The following ME1 variants were observed in gnomAD, a reference collection of about 807,000 sequenced individuals.
The protein encoded by ME1 is malic enzyme 1.
Under a neutral mutation model 66.4 loss-of-function variants are expected in ME1, and 74 were observed. That is an observed-to-expected ratio of 1.11 (90% confidence interval 0.92 to 1.35). ME1 has a LOEUF of 1.35. Ranked by LOEUF, ME1 falls within the 40% of genes most tolerant of loss-of-function variation. The probability of loss-of-function intolerance (pLI) is 0.00; values close to 1 mark genes in which losing one functional copy is unlikely to be tolerated. For synonymous variants in ME1, 251 were observed against 235.6 expected (o/e 1.07, Z -0.60); for missense variants, 750 against 694.1 (o/e 1.08, Z -0.90).
chr6:83,229,857 C>T (rs1441659293), intron 9 of ME1, among the ~76,000 whole-genome samples: 1 of 152,182 alleles, frequency 6.6e-6, no homozygotes, highest in Non-Finnish European at 1.5e-5. Context: ...AATGAGGTCT[C>T]ATTTTGTCAT....
intron 6 of ME1, among the ~76,000 whole-genome samples, chr6:83,276,435 G>A (rs1767183975): frequency 1.3e-5 from 2 of 152,148 alleles, no homozygotes. Context: ...AATGTCCCAG[G>A]AGCAGTGATG....
intron 3 of ME1, among the ~76,000 whole-genome samples, chr6:83,398,149 C>G (rs1359218327): frequency 6.6e-6 from 1 of 151,972 alleles, no homozygotes; most frequent in Non-Finnish European, 1.5e-5. Context: ...GCATACTCAC[C>G]ACAAATAAAT....
Position 83,395,665 on chromosome 6 carries a change from G to A in ME1, c.362+2702C>T, listed in dbSNP as rs567459637. On this transcript the variant is annotated intron_variant, in intron 3 of 13. Coordinates refer to ENST00000369705, the MANE Select transcript of ME1 (RefSeq NM_002395.6). ...TAATTTTTGTATTTTTAGTAGAGAT[G>A]GGGTTTCACCATGTTGGTCAGGATG... Among the ~76,000 whole-genome samples the A allele has an allele frequency of 1.0e-3, 154 of 150,080 alleles. 1 individual carries two copies. The highest frequency in any genetic ancestry group is 7.1e-4 in the Non-Finnish European group (48 of 67,460).
chr6:83,381,558 G>A (rs1769400321), intron 3 of ME1, among the ~76,000 whole-genome samples: 1 of 152,040 alleles, frequency 6.6e-6, no homozygotes, highest in Admixed American at 6.6e-5. Context: ...TACATGCTGT[G>A]TGTCCATATC....
In ME1 at chr6:83,307,616, C is replaced by T. The variant is rs116936463; in HGVS notation, c.704+7694G>A. On this transcript the variant is annotated intron_variant, in intron 6 of 13. Coordinates refer to ENST00000369705, the MANE Select transcript of ME1 (RefSeq NM_002395.6). The stretch of plus-strand genomic sequence containing the variant: ...ATCACGTAAGTTATAAATATATCCC[C>T]GTCATCTAAAAAATGATCAGGCATA... Among the ~76,000 whole-genome samples, 1,197 of 151,962 alleles carry T rather than the reference C, an allele frequency of 7.9e-3. 11 individuals are homozygous for T. The highest frequency in any genetic ancestry group is 0.01 in the Non-Finnish European group (712 of 67,954).
intron 11 of ME1, among the ~76,000 whole-genome samples, 169 bp downstream of exon 11, chr6:83,227,166 C>T (rs1456059734): frequency 6.6e-6 from 1 of 152,076 alleles, no homozygotes; most frequent in Non-Finnish European, 1.5e-5. Context: ...AGGATTTATA[C>T]AACATTCTAG....
intron 6 of ME1, among the ~76,000 whole-genome samples, chr6:83,292,790 C>A (rs1377430746): frequency 6.6e-6 from 1 of 152,194 alleles, no homozygotes; most frequent in African/African-American, 2.4e-5. Flanking sequence ...CCAGTTTGAG[C>A]TTCCCTGCCG....
chr6:83,396,972 T>C (rs1242251709), intron 3 of ME1, among the ~76,000 whole-genome samples: 1 of 151,936 alleles, frequency 6.6e-6, no homozygotes, highest in African/African-American at 2.4e-5. Context: ...TTTCACACCA[T>C]ATTAAAAAAA....
At chr6:83,291,291 A>C (rs1030402555) in intron 6 of ME1, among the ~76,000 whole-genome samples, 2 of 152,154 alleles carry the variant, frequency 1.3e-5, no homozygotes, top group African/African-American at 4.8e-5. Context: ...TGCTTCCTTC[A>C]GAAGCTCTTG....
Position 83,392,835 on chromosome 6 carries a change from TGAC to T in ME1, c.362+5529_362+5531del, listed in dbSNP as rs1370369830. On this transcript the variant is annotated intron_variant, in intron 3 of 13. Coordinates refer to ENST00000369705, the MANE Select transcript of ME1 (RefSeq NM_002395.6). ...TGATGGGTGTGAACCATGAGAAATA[TGAC>T]AACAGCTCAAGATTATCAGCAATGC... 1.5e-5 allele frequency: 11 copies of T among 750,376 alleles called. No homozygotes were observed. In the East Asian group the frequency reaches 3.1e-4, roughly 21 times the overall value. 46.5% of individuals were successfully genotyped at this position (750,376 alleles called of 1,614,324 possible).
intron 6 of ME1, among the ~76,000 whole-genome samples, chr6:83,260,878 C>T (rs996099046): frequency 6.6e-6 from 1 of 151,960 alleles, no homozygotes; most frequent in Non-Finnish European, 1.5e-5. Flanking sequence ...TAGGTTGATT[C>T]CATGTCTTTG....
At chr6:83,214,726 C>T (rs1055820467) in intron 13 of ME1, among the ~76,000 whole-genome samples, 6 of 152,136 alleles carry the variant, frequency 3.9e-5, no homozygotes, top group African/African-American at 4.8e-5. Context: ...GGTCTTTTAT[C>T]TAGCCTCTCT....
At chr6:83,247,632 A>T (rs1028304394) in intron 7 of ME1, among the ~76,000 whole-genome samples, 2 of 152,140 alleles carry the variant, frequency 1.3e-5, no homozygotes, top group Non-Finnish European at 2.9e-5. Context: ...TGGCACTGGA[A>T]TGCAATTTCT....
chr6:83,355,369 G>A (rs780385768), intron 3 of ME1, among the ~76,000 whole-genome samples: 8 of 152,116 alleles, frequency 5.3e-5, no homozygotes, highest in South Asian at 2.1e-4. Flanking sequence ...GAACTTGTTA[G>A]TTAGCCAAGG....
chr6:83,275,113 C>T (rs1767152535), intron 6 of ME1, among the ~76,000 whole-genome samples: 1 of 152,018 alleles, frequency 6.6e-6, no homozygotes, highest in Admixed American at 6.6e-5. Context: ...GTGGGCGGAT[C>T]ACAGGAGGTA....
intron 6 of ME1, among the ~76,000 whole-genome samples, chr6:83,288,227 C>G (rs936926947): frequency 3.3e-5 from 5 of 152,148 alleles, no homozygotes; most frequent in African/African-American, 9.6e-5. Context: ...GAAGTATTTG[C>G]CCATGCCTAT....
At chr6:83,425,020 T>A (rs1770342160) in intron 1 of ME1, among the ~76,000 whole-genome samples, 1 of 152,190 alleles carries the variant, frequency 6.6e-6, no homozygotes, top group Non-Finnish European at 1.5e-5. Context: ...TTTGCTTTGT[T>A]TTGTTTTTCT....
At chr6:83,354,081 T>G (rs1768844472) in intron 3 of ME1, among the ~76,000 whole-genome samples, 1 of 152,112 alleles carries the variant, frequency 6.6e-6, no homozygotes, top group African/African-American at 2.4e-5. Context: ...GGCTCTATAC[T>G]CCTCTCTTCT....
intron 5 of ME1, among the ~76,000 whole-genome samples, chr6:83,317,891 A>T (rs903167137): frequency 6.6e-6 from 1 of 152,110 alleles, no homozygotes; most frequent in Non-Finnish European, 1.5e-5. Context: ...ACACTACCTG[A>T]CTTCAAACTA....
Sources: allele counts gnomAD v4.1 joint callset (sites outside exome capture counted in the v4.1 genomes callset), GRCh38; gene constraint gnomAD v4.1.1; transcripts MANE v1.5; gene names NCBI Gene and HGNC (gene_info 2026-07-23, HGNC 2026-07-21).